The following CNTN1 variants were observed in gnomAD, a reference collection of about 807,000 sequenced individuals.
CNTN1 encodes contactin-1.
In CNTN1, 38 loss-of-function variants were observed where a neutral mutation model predicts 126.4. That is an observed-to-expected ratio of 0.30 (90% confidence interval 0.23 to 0.39). The LOEUF is 0.39. Among genes scored for constraint, CNTN1 ranks in the 10% least tolerant of loss-of-function variants. The probability of loss-of-function intolerance (pLI) is 1.00; values close to 1 mark genes in which losing one functional copy is unlikely to be tolerated. For missense variants in CNTN1, 1,009 were observed against 1,248.4 expected, an observed-to-expected ratio of 0.81 and a Z score of 2.89; for synonymous variants, 413 against 422.6, an observed-to-expected ratio of 0.98 and a Z score of 0.28.
At chr12:40,949,569 C>CTTTTTTTTTTTTTTTTTTT (rs36070275) in intron 14 of CNTN1, among the ~76,000 whole-genome samples, 1 of 64,346 alleles carries the variant, frequency 1.6e-5, no homozygotes, top group Non-Finnish European at 2.8e-5. Flanking sequence ...TCTTTTCTTT[C>CTTTTTTTTTTTTTTTTTTT]TTTTTTTTTT....
intron 1 of CNTN1, 150 bp from the exon 2 acceptor site, chr12:40,908,207 A>C (rs1206034290): frequency 5.3e-5 from 28 of 525,214 alleles, no homozygotes; most frequent in Non-Finnish European, 6.4e-5. Context: ...AACGAAAAGC[A>C]TAAAGTCACA....
At chr12:40,932,235 T>C (rs1945911680) in intron 7 of CNTN1, among the ~76,000 whole-genome samples, 2 of 151,958 alleles carry the variant, frequency 1.3e-5, no homozygotes, top group Non-Finnish European at 2.9e-5. Flanking sequence ...GATAATTGAA[T>C]CATGGGGGGC....
At chr12:40,985,891 G>T (rs532421980) in intron 16 of CNTN1, among the ~76,000 whole-genome samples, 13 of 152,078 alleles carry the variant, frequency 8.5e-5, no homozygotes, top group African/African-American at 3.1e-4. Flanking sequence ...GCACGCATGT[G>T]TCTGTTTATC....
intron 1 of CNTN1, among the ~76,000 whole-genome samples, chr12:40,698,894 C>T (rs996500911): frequency 1.3e-5 from 2 of 152,172 alleles, no homozygotes; most frequent in African/African-American, 4.8e-5. Context: ...GGTTTGCCTT[C>T]TCCTAATGCA....
chr12:40,737,305 G>GTGTC (rs549439779), intron 1 of CNTN1, among the ~76,000 whole-genome samples: 1 of 145,820 alleles, frequency 6.9e-6, no homozygotes, highest in Non-Finnish European at 1.5e-5. Flanking sequence ...GTGTGTGTGT[G>GTGTC]TATATACACA....
chr12:40,745,423 T>C (rs536944979), intron 1 of CNTN1, among the ~76,000 whole-genome samples: 1 of 152,222 alleles, frequency 6.6e-6, no homozygotes, highest in East Asian at 1.9e-4. Context: ...GTGGGATAAC[T>C]GGAAGGGGGC....
intron 1 of CNTN1, among the ~76,000 whole-genome samples, chr12:40,847,965 A>C (rs1942576679): frequency 6.6e-6 from 1 of 152,158 alleles, no homozygotes; most frequent in African/African-American, 2.4e-5. Flanking sequence ...TTCACAATAG[A>C]GTTTGCGCTC....
In CNTN1 at chr12:41,013,485, A is replaced by C. The variant is rs559944707; in HGVS notation, c.2114-743A>C. ...CCTCAGTGATTTCTTCTTAACTCCT[A>C]TATTGGATATATTGTGGGTTGTTAA... On this transcript the variant is annotated intron_variant, in intron 17 of 23. Coordinates refer to ENST00000551295, the MANE Select transcript of CNTN1 (RefSeq NM_001843.4). 2.6e-5 allele frequency among the ~76,000 whole-genome samples: 4 copies of C among 152,116 alleles called. No individual in the cohort carries two copies. The South Asian group carries it at 8.3e-4, about 32-fold the overall frequency.
At chr12:40,718,594 A>G (rs1448065180) in intron 1 of CNTN1, among the ~76,000 whole-genome samples, 1 of 152,172 alleles carries the variant, frequency 6.6e-6, no homozygotes, top group African/African-American at 2.4e-5. Flanking sequence ...TAGTGGGCAA[A>G]AAAGGAAGCC....
intron 1 of CNTN1, among the ~76,000 whole-genome samples, chr12:40,852,261 G>A (rs898900474): frequency 6.6e-6 from 1 of 152,072 alleles, no homozygotes; most frequent in Non-Finnish European, 1.5e-5. Flanking sequence ...TTAACCCCTC[G>A]GTTTCCTTAT....
At chr12:40,731,390 G>C (rs1238202100) in intron 1 of CNTN1, among the ~76,000 whole-genome samples, 1 of 151,802 alleles carries the variant, frequency 6.6e-6, no homozygotes, top group Non-Finnish European at 1.5e-5. Context: ...TGATTTGACA[G>C]ATAATATAAA....
rs181654195 is a variant in CNTN1 at position 40,782,847 on chromosome 12, C to G, written c.-77+90255C>G. Among the ~76,000 whole-genome samples the G allele has an allele frequency of 1.1e-4, 16 of 151,900 alleles. No individual in the cohort carries two copies. In the East Asian group the frequency reaches 3.1e-3, roughly 29 times the overall value. ...AAAAAAATTTAAAATGACGAATTGT[C>G]TAGTTTTTCCAAGGTATAAAATGAT... is the stretch of plus-strand genomic sequence containing the variant. On this transcript the variant is annotated intron_variant, in intron 1 of 23. Transcript: ENST00000551295.
intron 8 of CNTN1, 65 bp downstream of exon 8, chr12:40,933,625 G>GT: frequency 6.5e-7 from 1 of 1,537,400 alleles, no homozygotes. Flanking sequence ...ATAAATAATT[G>GT]TTTAGCTATA....
At chr12:40,734,985 A>C (rs1942585150) in intron 1 of CNTN1, among the ~76,000 whole-genome samples, 1 of 152,158 alleles carries the variant, frequency 6.6e-6, no homozygotes, top group African/African-American at 2.4e-5. Flanking sequence ...CAGTAAAACA[A>C]TCATTTTACT....
At chr12:40,922,200 G>A (rs1945465398) in intron 4 of CNTN1, 56 bp from the exon 5 acceptor site, 7 of 1,483,396 alleles carry the variant, frequency 4.7e-6, no homozygotes, top group South Asian at 2.3e-5. Flanking sequence ...TGTTAGCTCC[G>A]TAGAGTTTCT....
intron 1 of CNTN1, among the ~76,000 whole-genome samples, chr12:40,871,773 T>G (rs1346845420): frequency 6.6e-6 from 1 of 152,178 alleles, no homozygotes; most frequent in Non-Finnish European, 1.5e-5. Context: ...TCTAAGATAA[T>G]TTGAATACTC....
chr12:41,065,125 C>T (rs528744223), intron 23 of CNTN1, among the ~76,000 whole-genome samples: 5 of 152,112 alleles, frequency 3.3e-5, no homozygotes, highest in African/African-American at 7.2e-5. Flanking sequence ...GCGCCATCTC[C>T]GCTCACTGCA....
intron 3 of CNTN1, among the ~76,000 whole-genome samples, chr12:40,917,107 A>G (rs1945275192): frequency 1.3e-5 from 2 of 151,504 alleles, no homozygotes; most frequent in African/African-American, 2.4e-5. Context: ...AACCATCTAT[A>G]TGTACAATAA....
At chr12:40,720,699 C>T (rs182364303) in intron 1 of CNTN1, among the ~76,000 whole-genome samples, 7 of 151,982 alleles carry the variant, frequency 4.6e-5, no homozygotes, top group Non-Finnish European at 7.4e-5. Context: ...GAAGCTAAGG[C>T]GAGTGGATCA....
Sources: gnomAD v4.1 joint callset for allele counts (sites outside exome capture counted in the v4.1 genomes callset) on GRCh38, gnomAD v4.1.1 for gene constraint, MANE v1.5 for transcripts, NCBI Gene and HGNC (gene_info 2026-07-23, HGNC 2026-07-21) for gene names.